PHACTR3: variants seen among roughly 807,000 people sequenced by gnomAD.
The protein encoded by PHACTR3 is protein phosphatase 1, regulatory subunit 123.
In PHACTR3, 16 loss-of-function variants were observed where a neutral mutation model predicts 66.8. The observed-to-expected ratio is 0.24, with a 90% CI of 0.16 to 0.36. The LOEUF is 0.36. Among genes scored for constraint, PHACTR3 ranks in the 10% least tolerant of loss-of-function variants. The pLI is 1.00. For synonymous variants in PHACTR3, 323 were observed against 292.1 expected (o/e 1.11, Z -1.08); for missense variants, 647 against 719.9 (o/e 0.90, Z 1.16).
intron 7 of PHACTR3, among the ~76,000 whole-genome samples, chr20:59,776,767 C>T (rs191808157): frequency 1.8e-4 from 28 of 152,340 alleles, no homozygotes; most frequent in African/African-American, 6.5e-4. Flanking sequence ...GAGCCAGCAG[C>T]GTGGTTGAGA....
chr20:59,598,317 G>A (rs752713888), intron 1 of PHACTR3, among the ~76,000 whole-genome samples: 24 of 152,230 alleles, frequency 1.6e-4, no homozygotes, highest in African/African-American at 4.3e-4. Flanking sequence ...TGGTGAAAGC[G>A]TATTGAGGGC....
intron 1 of PHACTR3, among the ~76,000 whole-genome samples, chr20:59,720,423 T>TG (rs942877801): frequency 5.1e-4 from 77 of 152,172 alleles, no homozygotes; most frequent in African/African-American, 1.7e-3. Context: ...CTTTGCATAC[T>TG]GGGGGGGCAC....
At chr20:59,590,495 T>G (rs916823047) in intron 1 of PHACTR3, among the ~76,000 whole-genome samples, 2 of 152,166 alleles carry the variant, frequency 1.3e-5, no homozygotes, top group African/African-American at 4.8e-5. Flanking sequence ...CAGCACTTGG[T>G]GTTAGACTTT....
intron 1 of PHACTR3, among the ~76,000 whole-genome samples, chr20:59,623,427 C>T (rs949879935): frequency 2.0e-5 from 3 of 152,174 alleles, no homozygotes; most frequent in South Asian, 2.1e-4. Context: ...CAACAAACAT[C>T]GACTGTCTTT....
chr20:59,743,378 CA>C, intron 2 of PHACTR3, 110 bp downstream of exon 2: 6 of 1,376,540 alleles, frequency 4.4e-6, no homozygotes, highest in Non-Finnish European at 6.0e-6. Flanking sequence ...ACAGGAGGGG[CA>C]GATGTGCTTC....
intron 1 of PHACTR3, among the ~76,000 whole-genome samples, chr20:59,646,264 A>G (rs2035278322): frequency 1.3e-5 from 2 of 152,276 alleles, no homozygotes; most frequent in African/African-American, 4.8e-5. Flanking sequence ...CCTCCTTTGT[A>G]TACCTGGGGG....
At chr20:59,584,961 G>A (rs900775402) in intron 1 of PHACTR3, among the ~76,000 whole-genome samples, 7 of 149,864 alleles carry the variant, frequency 4.7e-5, no homozygotes, top group African/African-American at 1.2e-4. Context: ...TTTAAAAAAC[G>A]CCTTCTCCAA....
At chr20:59,774,770 C>A (rs557529071) in intron 7 of PHACTR3, among the ~76,000 whole-genome samples, 181 of 150,138 alleles carry the variant, frequency 1.2e-3, no homozygotes, top group African/African-American at 4.2e-3. Flanking sequence ...AAAAAAAAAA[C>A]AACATAAAAG....
At chr20:59,751,000 C>T (rs960828248) in intron 3 of PHACTR3, among the ~76,000 whole-genome samples, 11 of 152,364 alleles carry the variant, frequency 7.2e-5, no homozygotes, top group Admixed American at 2.0e-4. Context: ...CCTCCTGGTG[C>T]TGGGTCACCG....
chr20:59,805,271 A>T (rs1410206694), intron 7 of PHACTR3, among the ~76,000 whole-genome samples: 2 of 152,218 alleles, frequency 1.3e-5, no homozygotes, highest in Non-Finnish European at 2.9e-5. Context: ...CACATAGAAC[A>T]CAAGGGCTGG....
At chr20:59,814,255 G>A (rs2041825510) in intron 8 of PHACTR3, among the ~76,000 whole-genome samples, 1 of 152,170 alleles carries the variant, frequency 6.6e-6, no homozygotes, top group Admixed American at 6.5e-5. Flanking sequence ...ACAGGCCCAG[G>A]AGCCAGCACC....
chr20:59,734,418 AT>A (rs556321317), intron 1 of PHACTR3, among the ~76,000 whole-genome samples: 204 of 151,088 alleles, frequency 1.4e-3, no homozygotes, highest in African/African-American at 4.5e-3. Context: ...CACCGAGCTA[AT>A]TTTTTTTTCC....
intron 1 of PHACTR3, among the ~76,000 whole-genome samples, chr20:59,595,068 T>C (rs960153972): frequency 7.9e-5 from 12 of 152,258 alleles, no homozygotes; most frequent in African/African-American, 2.9e-4. Context: ...AGGTGTGTTA[T>C]TCAATCTCCA....
intron 1 of PHACTR3, among the ~76,000 whole-genome samples, chr20:59,694,761 T>C (rs2037234149): frequency 6.6e-6 from 1 of 152,098 alleles, no homozygotes; most frequent in Non-Finnish European, 1.5e-5. Context: ...CTAGTTGTTC[T>C]AGTTTCAGCT....
At chr20:59,588,072 C>T (rs547707949) in intron 1 of PHACTR3, among the ~76,000 whole-genome samples, 81 of 152,140 alleles carry the variant, frequency 5.3e-4, no homozygotes, top group Non-Finnish European at 1.1e-3. Context: ...CACCGGGGGT[C>T]GGGAGTCCTG....
intron 1 of PHACTR3, among the ~76,000 whole-genome samples, chr20:59,709,561 T>C (rs1268041960): frequency 2.6e-5 from 4 of 152,220 alleles, no homozygotes; most frequent in Admixed American, 2.6e-4. Flanking sequence ...GCATAGACAC[T>C]TTCCCAGAAG....
chr20:59,735,331 A>G (rs370672189), intron 1 of PHACTR3, among the ~76,000 whole-genome samples: 1 of 152,120 alleles, frequency 6.6e-6, no homozygotes, highest in Non-Finnish European at 1.5e-5. Flanking sequence ...AGCCGATATG[A>G]TGAATGGGTT....
intron 1 of PHACTR3, among the ~76,000 whole-genome samples, chr20:59,711,261 G>A (rs146722285): frequency 2.0e-4 from 31 of 152,198 alleles, no homozygotes; most frequent in African/African-American, 4.6e-4. Flanking sequence ...ATTGTTGTGC[G>A]TAAGGCTTTG....
In PHACTR3 at chr20:59,830,027, G is replaced by T. The variant is rs1046972516; in HGVS notation, c.1329-6478G>T. On this transcript the variant is annotated intron_variant, in intron 8 of 12. Coordinates refer to ENST00000371015, the MANE Select transcript of PHACTR3 (RefSeq NM_080672.5). This position sits in a 1 kb window ranked among gnomAD's most constrained non-coding sequence, Gnocchi z 5.8. The stretch of plus-strand genomic sequence containing the variant: ...CCCTGCTGCTGTGCTCATCATGCAG[G>T]AAGGCAGTCAGCTGAGCAGTGTGTG... Among the ~76,000 whole-genome samples the T allele has an allele frequency of 6.6e-6, 1 of 152,182 alleles. No homozygotes were observed. The highest frequency in any genetic ancestry group is 1.5e-5 in the Non-Finnish European group (1 of 68,044).
Sources: allele counts gnomAD v4.1 joint callset (sites outside exome capture counted in the v4.1 genomes callset), GRCh38; gene constraint gnomAD v4.1.1; non-coding constraint Gnocchi (gnomAD v3.1); transcripts MANE v1.5; gene names NCBI Gene and HGNC (gene_info 2026-07-23, HGNC 2026-07-21).